The following NBEAL1 variants were observed in gnomAD, a reference collection of about 807,000 sequenced individuals.
The protein encoded by NBEAL1 is neurobeachin like 1, also known as neurobeachin-like protein 1.
NBEAL1 carries 273 observed loss-of-function variants against 351.3 expected under a neutral mutation model. The observed-to-expected ratio is 0.78, with a 90% CI of 0.70 to 0.86. The LOEUF (loss-of-function observed/expected upper bound fraction) is 0.86. NBEAL1 is among the 40% of genes least tolerant of loss of function. NBEAL1 has a pLI of 0.00. For synonymous variants in NBEAL1, 1,050 were observed against 1,086.4 expected (o/e 0.97, Z 0.66); for missense variants, 2,961 against 3,201.3 (o/e 0.92, Z 1.81).
intron 2 of NBEAL1, among the ~76,000 whole-genome samples, chr2:203,028,100 T>A (rs1186214495): frequency 6.6e-6 from 1 of 152,014 alleles, no homozygotes; most frequent in South Asian, 2.1e-4. Flanking sequence ...GCCAGGAAGG[T>A]CTTGATCTCT....
chr2:203,166,997 A>G (rs1323395932), intron 37 of NBEAL1, among the ~76,000 whole-genome samples: 2 of 152,238 alleles, frequency 1.3e-5, no homozygotes, highest in African/African-American at 4.8e-5. Context: ...TCTGAGATGT[A>G]TTCAGAATTA....
chr2:203,041,718 T>G (rs1181025573), intron 2 of NBEAL1, 47 bp from the exon 3 acceptor site: 2 of 1,315,068 alleles, frequency 1.5e-6, no homozygotes, highest in Admixed American at 4.4e-5. Context: ...AGCATTTTTT[T>G]TTTCCTGATA....
chr2:203,074,445 A>C (rs1449329751), intron 7 of NBEAL1, among the ~76,000 whole-genome samples: 1 of 148,746 alleles, frequency 6.7e-6, no homozygotes, highest in East Asian at 2.0e-4. Flanking sequence ...CTAATGTCTC[A>C]GCCTCTCGAG....
Position 203,108,459 on chromosome 2 carries a change from C to T in NBEAL1, c.1949+271C>T, listed in dbSNP as rs189716478. 2.6e-5 allele frequency among the ~76,000 whole-genome samples: 4 copies of T among 151,616 alleles called. No homozygotes were observed. The East Asian group carries it at 5.8e-4, about 22-fold the overall frequency. On this transcript the variant is annotated intron_variant, in intron 14 of 55. Transcript: ENST00000683969. ...TGTCACCCAGGCTAGAGTGCAGTGGCGTGATCTCGGCTCACTGCAAGCTCC... is the reference window on the plus strand; with the variant it reads ...TGTCACCCAGGCTAGAGTGCAGTGGTGTGATCTCGGCTCACTGCAAGCTCC...
intron 10 of NBEAL1, among the ~76,000 whole-genome samples, chr2:203,092,954 T>C (rs2062094977): frequency 6.6e-6 from 1 of 152,166 alleles, no homozygotes; most frequent in East Asian, 1.9e-4. Flanking sequence ...GCTAATCCGC[T>C]GGATGCGGTA....
chr2:203,033,299 C>T (rs1412143621), intron 2 of NBEAL1, among the ~76,000 whole-genome samples: 6 of 152,184 alleles, frequency 3.9e-5, no homozygotes, highest in Non-Finnish European at 8.8e-5. Context: ...CGCGCCCAGC[C>T]AGTTGTACCT....
intron 18 of NBEAL1, among the ~76,000 whole-genome samples, chr2:203,120,483 G>A (rs1312283444): frequency 4.6e-5 from 7 of 152,120 alleles, no homozygotes; most frequent in Non-Finnish European, 8.8e-5. Flanking sequence ...AAAGAAGATG[G>A]TATCATTTGT....
intron 12 of NBEAL1, among the ~76,000 whole-genome samples, chr2:203,102,012 A>G (rs1005176733): frequency 6.6e-6 from 1 of 152,164 alleles, no homozygotes; most frequent in East Asian, 1.9e-4. Flanking sequence ...TTCTTGTTGT[A>G]GAGATCTTTC....
intron 48 of NBEAL1, among the ~76,000 whole-genome samples, chr2:203,198,617 G>A (rs1240369592): frequency 6.6e-6 from 1 of 151,952 alleles, no homozygotes; most frequent in Admixed American, 6.6e-5. Context: ...TGTAATCCCA[G>A]AACTTGGGAG....
intron 10 of NBEAL1, among the ~76,000 whole-genome samples, chr2:203,095,548 C>T (rs1035857933): frequency 6.6e-6 from 1 of 152,102 alleles, no homozygotes; most frequent in African/African-American, 2.4e-5. Context: ...GCCTCAGCCT[C>T]CCAAAGTGCT....
In NBEAL1 at chr2:203,136,012, T is replaced by C. The variant is rs555982969; in HGVS notation, c.4149T>C (p.Ser1383=). Residue 1383 remains serine, a synonymous_variant, in exon 28 of 56, where the codon TCT becomes TCC. Transcript: ENST00000683969. ...FPEDSSVGEL[S]FKSENQEEFW... The stretch of plus-strand genomic sequence containing the variant: ...AAGATAGCTCTGTGGGAGAATTGTC[T>C]TTCAAATCAGAGAATCAAGAGGAAT... 66 of 1,613,560 alleles carry C rather than the reference T, an allele frequency of 4.1e-5. 1 individual carries two copies. The highest frequency in any genetic ancestry group is 3.4e-4 in the South Asian group (31 of 90,948).
intron 4 of NBEAL1, among the ~76,000 whole-genome samples, chr2:203,055,783 A>G (rs2061393304): frequency 6.6e-6 from 1 of 152,186 alleles, no homozygotes; most frequent in Admixed American, 6.5e-5. Context: ...GTCTTGTTTT[A>G]CCTCAGTCTT....
At position 203,126,658 on chromosome 2, in the gene NBEAL1, T is replaced by C. The variant is rs1385354768; in HGVS notation, c.3087T>C (p.Tyr1029=). 2.0e-6 allele frequency: 3 copies of C among 1,531,264 alleles called. No homozygotes were observed. Among genetic ancestry groups the C allele is most frequent in the Non-Finnish European group, 1.8e-6 (2 of 1,139,522 alleles). 94.9% of individuals were successfully genotyped at this position (1,531,264 alleles called of 1,614,324 possible). The change falls in exon 22 of 56, where the codon TAT becomes TAC. Residue 1029 remains tyrosine, a synonymous_variant. Transcript: ENST00000683969. ...ATATGCAGCTCCTGCAACAAATGTA[T>C]CAATATTTACTCTTTGACTTTCGTA... ...EKNMQLLQQM[Y]QYLLFDFRIW...
chr2:203,167,638 A>G (rs944120520), intron 38 of NBEAL1, among the ~76,000 whole-genome samples: 5 of 152,220 alleles, frequency 3.3e-5, no homozygotes, highest in African/African-American at 1.2e-4. Context: ...TATGTAAGCT[A>G]TGACAAGATT....
intron 9 of NBEAL1, among the ~76,000 whole-genome samples, chr2:203,083,976 C>CTGTGTGTGTG (rs59252809): frequency 0.021 from 2,836 of 134,156 alleles, 50 homozygotes; most frequent in African/African-American, 0.038. Flanking sequence ...TCCTCAGAGC[C>CTGTGTGTGTG]TGTGTGTGTG....
chr2:203,219,690 C>T lies in NBEAL1; in HGVS notation c.*2336C>T, dbSNP rs2065934228. Reference sequence around the variant, plus strand: ...CCAACACAGTGAAACCCTTTCTCTACTAAAAATACAAAAATTAGCCGGGCA... The same window carrying T: ...CCAACACAGTGAAACCCTTTCTCTATTAAAAATACAAAAATTAGCCGGGCA... On this transcript the variant is annotated 3_prime_UTR_variant, in exon 56 of 56. Transcript: ENST00000683969. The T allele has an allele frequency of 6.6e-6, 1 of 151,916 alleles. No individual in the cohort carries two copies. Among genetic ancestry groups the T allele is most frequent in the South Asian group, 2.1e-4 (1 of 4,812 alleles). The allele number at this position is 151,916 out of a possible 1,614,324, so 9.4% of individuals were successfully genotyped here.
chr2:203,166,126 T>G, intron 36 of NBEAL1, 23 bp from the exon 37 acceptor site: 1 of 1,529,018 alleles, frequency 6.5e-7, no homozygotes, highest in Non-Finnish European at 8.7e-7. Flanking sequence ...ATTTTTCTGT[T>G]TATTGGCTTC....
Position 203,062,164 on chromosome 2 carries a change from C to G in NBEAL1, c.515+4711C>G. On this transcript the variant is annotated intron_variant, in intron 6 of 55. Coordinates refer to ENST00000683969, the MANE Select transcript of NBEAL1 (RefSeq NM_001378026.1). The surrounding 1 kb of genome is among the most constrained non-coding windows in gnomAD (Gnocchi z 4.2). ...ATTTGAATTCTGGCTGAAGGTTTCT[C>G]CACCTTGACTATTTTGTTTACCTTC... is the stretch of plus-strand genomic sequence containing the variant. 2.4e-6 allele frequency: 1 copy of G among 415,320 alleles called. No homozygotes were observed. Among genetic ancestry groups the G allele is most frequent in the Non-Finnish European group, 4.7e-6 (1 of 210,892 alleles). 25.7% of individuals were successfully genotyped at this position (415,320 alleles called of 1,614,324 possible).
intron 35 of NBEAL1, among the ~76,000 whole-genome samples, chr2:203,152,232 A>T (rs2063674618): frequency 6.6e-6 from 1 of 151,596 alleles, no homozygotes; most frequent in African/African-American, 2.4e-5. Context: ...TGCTGGGATT[A>T]CAGGTGTGAG....
Sources: allele counts gnomAD v4.1 joint callset (sites outside exome capture counted in the v4.1 genomes callset), GRCh38; gene constraint gnomAD v4.1.1; non-coding constraint Gnocchi (gnomAD v3.1); transcripts MANE v1.5; gene names NCBI Gene and HGNC (gene_info 2026-07-23, HGNC 2026-07-21).